Variants in ARHGEF3 observed in about 807,000 individuals in gnomAD.
The protein encoded by ARHGEF3 is Rho guanine nucleotide exchange factor 3.
ARHGEF3 carries 28 observed loss-of-function variants against 63.2 expected under a neutral mutation model. That is an observed-to-expected ratio of 0.44 (90% confidence interval 0.33 to 0.61). The LOEUF is 0.61. Ranked by LOEUF, ARHGEF3 falls within the 20% of genes least tolerant of loss-of-function variation. ARHGEF3 has a pLI of 0.03. For synonymous variants in ARHGEF3, 266 were observed against 254.2 expected, an observed-to-expected ratio of 1.05 and a Z score of -0.44; for missense variants, 533 against 659.3, an observed-to-expected ratio of 0.81 and a Z score of 2.10.
chr3:57,011,857 C>T (rs1702715671), intron 2 of ARHGEF3, among the ~76,000 whole-genome samples: 1 of 152,134 alleles, frequency 6.6e-6, no homozygotes, highest in Non-Finnish European at 1.5e-5. Context: ...TCACTGCTTC[C>T]CAGTGCTCGC....
chr3:56,853,901 T>C (rs1047665286), intron 4 of ARHGEF3, among the ~76,000 whole-genome samples: 2 of 152,006 alleles, frequency 1.3e-5, no homozygotes, highest in Non-Finnish European at 1.5e-5. Context: ...AGAAGTTACA[T>C]AGAAAGACAA....
chr3:57,074,078 A>G (rs769247768), intron 1 of ARHGEF3: 6 of 1,614,036 alleles, frequency 3.7e-6, no homozygotes, highest in Non-Finnish European at 5.1e-6. Flanking sequence ...CTACACCTCA[A>G]TTTCTTGGTA....
chr3:56,819,602 C>T (rs2038396620), intron 4 of ARHGEF3, among the ~76,000 whole-genome samples: 1 of 151,724 alleles, frequency 6.6e-6, no homozygotes, highest in African/African-American at 2.4e-5. Flanking sequence ...GCCTTGACCT[C>T]CTGGGCTCAA....
chr3:56,994,084 A>AAAAAAAAAAAAAAAAAAAAAAAAAC, intron 2 of ARHGEF3, among the ~76,000 whole-genome samples: 1 of 146,444 alleles, frequency 6.8e-6, no homozygotes, highest in East Asian at 2.0e-4. Context: ...AAAAAAAAAA[A>AAAAAAAAAAAAAAAAAAAAAAAAAC]AGCACACTGT....
intron 4 of ARHGEF3, among the ~76,000 whole-genome samples, chr3:56,858,901 T>C (rs1253008217): frequency 6.6e-6 from 1 of 152,176 alleles, no homozygotes. Flanking sequence ...AGTCAGGGAT[T>C]CTTACTTGTT....
intron 7 of ARHGEF3, among the ~76,000 whole-genome samples, chr3:56,740,173 C>T (rs2033922820): frequency 7.3e-6 from 1 of 136,804 alleles, no homozygotes; most frequent in Non-Finnish European, 1.5e-5. Context: ...GCTGGGATTA[C>T]AGGCATGAGC....
Position 56,792,704 on chromosome 3 carries a change from T to C in ARHGEF3, c.96+8999A>G, listed in dbSNP as rs1217637806. On this transcript the variant is annotated intron_variant, in intron 1 of 9. Coordinates refer to ENST00000296315, the MANE Select transcript of ARHGEF3 (RefSeq NM_019555.3). ...GCTATTATTGCAAATAATGTCATTA[T>C]GAACAACTTTGGAAACACAGCCTTT... Among the ~76,000 whole-genome samples the C allele has an allele frequency of 3.9e-5, 6 of 152,276 alleles. No homozygotes were observed. In the East Asian group the frequency reaches 9.6e-4, roughly 24 times the overall value.
intron 4 of ARHGEF3, among the ~76,000 whole-genome samples, chr3:56,834,746 C>CAAAAAAA: frequency 1.4e-5 from 1 of 69,754 alleles, no homozygotes. Flanking sequence ...CTCTGACTTA[C>CAAAAAAA]AAAAAAAAAA....
chr3:56,837,951 CAA>C (rs2039174275), intron 4 of ARHGEF3, among the ~76,000 whole-genome samples: 1 of 152,196 alleles, frequency 6.6e-6, no homozygotes, highest in African/African-American at 2.4e-5. Context: ...GAAGAACCAT[CAA>C]AGTGATAATT....
chr3:56,772,644 T>C (rs544521586), intron 2 of ARHGEF3, among the ~76,000 whole-genome samples: 1 of 152,234 alleles, frequency 6.6e-6, no homozygotes, highest in Admixed American at 6.5e-5. Flanking sequence ...CTTTAAAAGA[T>C]ACACTTCATC....
At chr3:56,839,705 G>T (rs977438090) in intron 4 of ARHGEF3, among the ~76,000 whole-genome samples, 4 of 152,070 alleles carry the variant, frequency 2.6e-5, no homozygotes, top group African/African-American at 9.7e-5. Flanking sequence ...AATCTCAAGG[G>T]GTCTGGCAGC....
chr3:56,979,786 G>A (rs991819335), intron 2 of ARHGEF3, among the ~76,000 whole-genome samples: 1 of 152,192 alleles, frequency 6.6e-6, no homozygotes, highest in Non-Finnish European at 1.5e-5. Context: ...AGAAAATGGG[G>A]AAAATAATTG....
chr3:56,948,806 G>C (rs988824655), intron 3 of ARHGEF3, among the ~76,000 whole-genome samples: 1 of 149,100 alleles, frequency 6.7e-6, no homozygotes, highest in Admixed American at 6.8e-5. Context: ...TGATACCAAA[G>C]CCTGGCAGAG....
chr3:56,852,657 AG>A (rs2039718833), intron 4 of ARHGEF3, among the ~76,000 whole-genome samples: 1 of 152,070 alleles, frequency 6.6e-6, no homozygotes, highest in Non-Finnish European at 1.5e-5. Context: ...ATGGGATTAA[AG>A]AAAAAAAAAA....
intron 3 of ARHGEF3, among the ~76,000 whole-genome samples, chr3:56,931,741 G>A (rs1250893719): frequency 6.6e-6 from 1 of 152,056 alleles, no homozygotes; most frequent in African/African-American, 2.4e-5. Flanking sequence ...CCAAAGTACT[G>A]TCCCAAGCAA....
At chr3:56,797,902 G>A (rs1014883202) in intron 1 of ARHGEF3, among the ~76,000 whole-genome samples, 3 of 152,174 alleles carry the variant, frequency 2.0e-5, no homozygotes, top group African/African-American at 7.2e-5. Context: ...GTGCTACAAG[G>A]GATGCTGATA....
At chr3:57,060,626 C>G (rs888446757) in intron 1 of ARHGEF3, 43 of 152,384 alleles carry the variant, frequency 2.8e-4, no homozygotes, top group African/African-American at 1.0e-3. Context: ...TGGTCCCGGG[C>G]TGGGCCCATG....
In ARHGEF3 at chr3:56,962,513, T is replaced by C. The variant is rs188497392; in HGVS notation, c.63-3624A>G. ...CATGGTTACAAAGCACAGCCTTCTG[T>C]CTAGGCAGCATTTCCCAGTGTCTCA... is the stretch of plus-strand genomic sequence containing the variant. On this transcript the variant is annotated intron_variant, in intron 2 of 12. Coordinates refer to the ARHGEF3 transcript ENST00000338458. 5.3e-5 allele frequency among the ~76,000 whole-genome samples: 8 copies of C among 152,320 alleles called. No individual in the cohort carries two copies. The East Asian group carries it at 1.5e-3, about 29-fold the overall frequency.
Position 56,730,388 on chromosome 3 carries a change from C to CT in ARHGEF3, c.1229-767dup, listed in dbSNP as rs66881414. ...CAATATGGAAGACATTTTATTTAAT[C>CT]TTTTTTTTTTTTTTTTTTTGAGACA... On this transcript the variant is annotated intron_variant, in intron 9 of 9. Coordinates refer to ENST00000296315, the MANE Select transcript of ARHGEF3 (RefSeq NM_019555.3). Among the ~76,000 whole-genome samples the CT allele has an allele frequency of 8.2e-3, 1,132 of 137,272 alleles. 5 individuals are homozygous for CT. The highest frequency in any genetic ancestry group is 0.018 in the Middle Eastern group (5 of 276). The allele number at this position is 137,272 out of a possible 152,430, so 90.1% of individuals were successfully genotyped here. A position where few individuals can be genotyped will look rare whatever the true frequency, so the allele number is the denominator to read the frequency against.
Sources: allele counts gnomAD v4.1 joint callset (sites outside exome capture counted in the v4.1 genomes callset), GRCh38; gene constraint gnomAD v4.1.1; transcripts MANE v1.5; gene names NCBI Gene and HGNC (gene_info 2026-07-23, HGNC 2026-07-21).